Variants in CADPS2 observed in about 807,000 individuals in gnomAD.
CADPS2 encodes the protein calcium dependent secretion activator 2.
In CADPS2, 93 loss-of-function variants were observed where a neutral mutation model predicts 172.5. The ratio of observed to expected loss-of-function variants is 0.54; its 90% CI spans 0.46 to 0.64. CADPS2 has a LOEUF of 0.64. Ranked by LOEUF, CADPS2 falls within the 30% of genes least tolerant of loss-of-function variation. The pLI is 0.00. For synonymous variants in CADPS2, 546 were observed against 555.2 expected, an observed-to-expected ratio of 0.98 and a Z score of 0.23; for missense variants, 1,420 against 1,565.9, an observed-to-expected ratio of 0.91 and a Z score of 1.57.
rs115521960 is a variant in CADPS2, at chr7:122,453,798, A to T, written c.2187-2323T>A. Among the ~76,000 whole-genome samples the T allele has an allele frequency of 1.3e-3, 191 of 152,288 alleles. 1 individual carries two copies. The highest frequency in any genetic ancestry group is 4.3e-3 in the African/African-American group (179 of 41,574). ...GCCCACTGTCTGCTTGACAGAATGG[A>T]GCCAGGGGGTCAGGTGATGACAAGT... On this transcript the variant is annotated intron_variant, in intron 14 of 29. Coordinates refer to ENST00000449022, the MANE Select transcript of CADPS2 (RefSeq NM_017954.11).
chr7:122,879,089 T>C (rs1822137249), intron 1 of CADPS2, among the ~76,000 whole-genome samples: 1 of 149,704 alleles, frequency 6.7e-6, no homozygotes, highest in South Asian at 2.1e-4. Context: ...TACAAAAAAT[T>C]AGCTGGGCAT....
intron 8 of CADPS2, among the ~76,000 whole-genome samples, chr7:122,527,337 T>C (rs914559827): frequency 6.6e-6 from 1 of 151,590 alleles, no homozygotes; most frequent in Admixed American, 6.6e-5. Flanking sequence ...CAAGGACCTT[T>C]CAGTCAAAAT....
At chr7:122,850,090 C>T (rs1005182274) in intron 1 of CADPS2, 56 of 1,363,308 alleles carry the variant, frequency 4.1e-5, no homozygotes, top group Non-Finnish European at 4.8e-5. Flanking sequence ...ACAGACCCAG[C>T]TGTGTTCACA....
Position 122,436,512 on chromosome 7 carries a change from CT to C in CADPS2, c.2476+1828del, listed in dbSNP as rs574256347. 2.2e-4 allele frequency: 60 copies of C among 273,744 alleles called. No homozygotes were observed. The East Asian group carries it at 3.4e-3, about 15-fold the overall frequency. The allele number at this position is 273,744 out of a possible 1,614,324, so 17.0% of individuals were successfully genotyped here. ...TAGTCCTGAGGATAAAACATAAATACTTTTTTTTTCTTTTTTAAGAAAAAAG... is the reference window on the plus strand; with the variant it reads ...TAGTCCTGAGGATAAAACATAAATACTTTTTTTTCTTTTTTAAGAAAAAAG... On this transcript the variant is annotated intron_variant, in intron 17 of 29. Transcript: ENST00000449022.
At chr7:122,495,121 T>C (rs1039087831) in intron 9 of CADPS2, among the ~76,000 whole-genome samples, 6 of 152,146 alleles carry the variant, frequency 3.9e-5, no homozygotes, top group Admixed American at 1.3e-4. Context: ...CACAGCATTA[T>C]CTTAAAATAT....
In CADPS2 at chr7:122,886,003, T is replaced by C; in HGVS notation, c.335A>G (p.Gln112Arg). The C allele has an allele frequency of 6.2e-7, 1 of 1,605,188 alleles. No homozygotes were observed. The highest frequency in any genetic ancestry group is 8.5e-7 in the Non-Finnish European group (1 of 1,176,344). The change falls in exon 1 of 30, where the codon CAG becomes CGG. Residue 112 changes from glutamine (Q) to arginine (R), a missense_variant. Physicochemically the swap from Gln to Arg is conservative, Grantham distance 43. Transcript: ENST00000449022. The stretch of plus-strand genomic sequence containing the variant: ...GCGCCCGGTCCCGCAACTCACCTTC[T>C]GCTGCCTCCGGGCCATGTCGGTGGG... Reference protein sequence around the residue: ...KQPTDMARRQQKLNKQQLQLL... With the variant: ...KQPTDMARRQRKLNKQQLQLL...
At chr7:122,421,434 T>G (rs2048516813) in intron 17 of CADPS2, among the ~76,000 whole-genome samples, 1 of 152,184 alleles carries the variant, frequency 6.6e-6, no homozygotes, top group Admixed American at 6.5e-5. Context: ...CTGCCCTATC[T>G]TCTTCCCTCC....
intron 6 of CADPS2, among the ~76,000 whole-genome samples, chr7:122,590,923 A>C (rs1168190832): frequency 1.3e-5 from 2 of 151,988 alleles, no homozygotes; most frequent in Admixed American, 1.3e-4. Context: ...ATTTTAAAAC[A>C]AATTTTCTAT....
chr7:122,757,845 C>CA (rs2093227687), intron 1 of CADPS2, among the ~76,000 whole-genome samples: 1 of 151,896 alleles, frequency 6.6e-6, no homozygotes, highest in Non-Finnish European at 1.5e-5. Flanking sequence ...CAAAGTGATA[C>CA]AAGTCTTATT....
intron 1 of CADPS2, among the ~76,000 whole-genome samples, chr7:122,800,634 G>C (rs1797407389): frequency 6.6e-6 from 1 of 152,114 alleles, no homozygotes; most frequent in Admixed American, 6.5e-5. Flanking sequence ...ATTATATGAG[G>C]CTTCAATAAT....
At chr7:122,659,559 G>T (rs944424107) in intron 3 of CADPS2, among the ~76,000 whole-genome samples, 28 of 151,892 alleles carry the variant, frequency 1.8e-4, no homozygotes, top group Admixed American at 1.8e-3. Context: ...GAATAAAGAG[G>T]GGATAGGACA....
intron 6 of CADPS2, among the ~76,000 whole-genome samples, chr7:122,603,883 G>A (rs1476962773): frequency 6.6e-6 from 1 of 152,138 alleles, no homozygotes; most frequent in Non-Finnish European, 1.5e-5. Context: ...GGTTGCCAGA[G>A]GCTGAAGGTG....
chr7:122,454,379 C>A (rs1217426834), intron 14 of CADPS2, among the ~76,000 whole-genome samples: 4 of 152,148 alleles, frequency 2.6e-5, no homozygotes, highest in Admixed American at 2.0e-4. Flanking sequence ...TGGACTTGAA[C>A]CTAGGTCTCT....
chr7:122,822,548 A>G (rs62482484), intron 1 of CADPS2, among the ~76,000 whole-genome samples: 15,013 of 127,338 alleles, frequency 0.12, 1,002 homozygotes, highest in Middle Eastern at 0.2. Context: ...AAGAAGGCAG[A>G]AATGTCAGGC....
intron 25 of CADPS2, among the ~76,000 whole-genome samples, chr7:122,376,217 A>G (rs911440051): frequency 6.6e-6 from 1 of 152,174 alleles, no homozygotes; most frequent in African/African-American, 2.4e-5. Flanking sequence ...TAGCGATCCC[A>G]TTAATGGGTA....
chr7:122,731,409 T>C (rs2091628340), intron 2 of CADPS2, among the ~76,000 whole-genome samples: 1 of 151,806 alleles, frequency 6.6e-6, no homozygotes, highest in South Asian at 2.1e-4. Flanking sequence ...AATCACATTG[T>C]CATTTGTTAT....
At chr7:122,379,775 A>G (rs1197342639) in intron 24 of CADPS2, among the ~76,000 whole-genome samples, 1 of 152,068 alleles carries the variant, frequency 6.6e-6, no homozygotes, top group African/African-American at 2.4e-5. Context: ...ATTTTTCTAA[A>G]GGGTTGGTTT....
chr7:122,757,424 A>G (rs1296821679), intron 1 of CADPS2, among the ~76,000 whole-genome samples: 2 of 152,098 alleles, frequency 1.3e-5, no homozygotes, highest in Non-Finnish European at 2.9e-5. Flanking sequence ...CTGGGATTAC[A>G]GGCACGAGCC....
intron 2 of CADPS2, among the ~76,000 whole-genome samples, chr7:122,711,367 T>C (rs1000674798): frequency 5.3e-5 from 8 of 152,084 alleles, no homozygotes; most frequent in South Asian, 2.1e-4. Context: ...TATTTAAATA[T>C]AGATCTACAA....
Sources: gnomAD v4.1 joint callset for allele counts (sites outside exome capture counted in the v4.1 genomes callset) on GRCh38, gnomAD v4.1.1 for gene constraint, MANE v1.5 for transcripts, NCBI Gene and HGNC (gene_info 2026-07-23, HGNC 2026-07-21) for gene names.